The following SLC25A23 variants were observed in gnomAD, a reference collection of about 807,000 sequenced individuals.
SLC25A23 encodes mitochondrial adenyl nucleotide antiporter SLC25A23.
A neutral mutation model predicts 53.9 loss-of-function variants in SLC25A23; 32 were observed. That is an observed-to-expected ratio of 0.59 (90% CI 0.45 to 0.80). The LOEUF (loss-of-function observed/expected upper bound fraction) is 0.80. SLC25A23 is among the 30% of genes least tolerant of loss of function. The probability of loss-of-function intolerance (pLI) is 0.00; values close to 1 mark genes in which losing one functional copy is unlikely to be tolerated. For missense variants in SLC25A23, 575 were observed against 651.4 expected (o/e 0.88, Z 1.28); for synonymous variants, 275 against 264.5 (o/e 1.04, Z -0.38).
chr19:6,456,519 G>T lies in SLC25A23; in HGVS notation c.384C>A (p.Asp128Glu). 6.2e-7 allele frequency: 1 copy of T among 1,613,404 alleles called. No homozygotes were observed. Among genetic ancestry groups the T allele is most frequent in the Non-Finnish European group, 8.5e-7 (1 of 1,179,884 alleles). Residue 128 changes from aspartate (D) to glutamate (E), a missense_variant, in exon 4 of 10, where the codon GAC becomes GAA. By Grantham distance (45) the Asp-to-Glu change is conservative (BLOSUM62 2). Coordinates refer to ENST00000301454, the MANE Select transcript of SLC25A23 (RefSeq NM_024103.3). ...CTTGCCAGTCAATGGTCATTGTGCC[G>T]TCTCGGTCCATGCTGGGGGGAAGAA... ...AEKILHSMDRDGTMTIDWQEW... is the reference protein window; with the variant it reads ...AEKILHSMDREGTMTIDWQEW...
At position 6,441,825 on chromosome 19, in the gene SLC25A23, G is replaced by A. The variant is rs2092424894; in HGVS notation, c.*150C>T. Reference sequence around the variant, plus strand: ...CAGGATCTGGATGCTGGGATCCCATGACCCAATGGTTGGGGCATAGGAGTC... The same window carrying A: ...CAGGATCTGGATGCTGGGATCCCATAACCCAATGGTTGGGGCATAGGAGTC... On this transcript the variant is annotated 3_prime_UTR_variant, in exon 10 of 10. Transcript: ENST00000301454. 1.5e-6 allele frequency: 1 copy of A among 659,514 alleles called. No individual in the cohort carries two copies. The highest frequency in any genetic ancestry group is 2.7e-5 in the Admixed American group (1 of 37,558). 40.9% of individuals were successfully genotyped at this position (659,514 alleles called of 1,614,324 possible).
chr19:6,450,153 C>A, intron 8 of SLC25A23, among the ~76,000 whole-genome samples: 1 of 152,010 alleles, frequency 6.6e-6, no homozygotes, highest in East Asian at 1.9e-4. Context: ...CCACCGTGAC[C>A]GGCCTCTACT....
chr19:6,450,005 C>T (rs1156509297), intron 8 of SLC25A23, among the ~76,000 whole-genome samples: 1 of 151,662 alleles, frequency 6.6e-6, no homozygotes, highest in East Asian at 1.9e-4. Context: ...TTATAGGTGC[C>T]CACCACCACG....
intron 1 of SLC25A23, 58 bp from the exon 2 acceptor site, chr19:6,458,382 G>T: frequency 2.5e-6 from 4 of 1,577,498 alleles, no homozygotes; most frequent in South Asian, 1.1e-5. Context: ...ATCTGGAGGG[G>T]ACGCATGTCA....
At chr19:6,450,213 C>T (rs994491704) in intron 8 of SLC25A23, among the ~76,000 whole-genome samples, 1 of 151,914 alleles carries the variant, frequency 6.6e-6, no homozygotes, top group Non-Finnish European at 1.5e-5. Context: ...TGTACCCTGC[C>T]CTGATCAGTC....
Position 6,443,535 on chromosome 19 carries a change from C to T in SLC25A23, c.1222+616G>A, listed in dbSNP as rs1411212120. 2.6e-5 allele frequency: 18 copies of T among 698,542 alleles called. No homozygotes were observed. In the Admixed American group the frequency reaches 3.0e-4, roughly 12 times the overall value. The allele number at this position is 698,542 out of a possible 1,614,324, so 43.3% of individuals were successfully genotyped here. A position where few individuals can be genotyped will look rare whatever the true frequency, so the allele number is the denominator to read the frequency against. On this transcript the variant is annotated intron_variant, in intron 9 of 9. Coordinates refer to ENST00000301454, the MANE Select transcript of SLC25A23 (RefSeq NM_024103.3). ...GAGCCACTGTGCCCGGCCTCCTTCT[C>T]CCCTTTATACAACCCTAAATCAATA...
chr19:6,452,870 C>T (rs559590716), intron 7 of SLC25A23, among the ~76,000 whole-genome samples: 67 of 152,262 alleles, frequency 4.4e-4, no homozygotes, highest in African/African-American at 1.5e-3. Context: ...TATCTTGTTC[C>T]CTTCTGCTTT....
Position 6,459,665 on chromosome 19 carries a change from G to T in SLC25A23, c.-37C>A. On this transcript the variant is annotated 5_prime_UTR_variant, in exon 1 of 10. Coordinates refer to ENST00000301454, the MANE Select transcript of SLC25A23 (RefSeq NM_024103.3). This position sits in a 1 kb window ranked among gnomAD's most constrained non-coding sequence, Gnocchi z 4.6. ...GGGGGGGAGGGGAGGCCCGGCAGCGGCGGCCTCAGTGGGGGCTTCGCGGCT... is the reference window on the plus strand; with the variant it reads ...GGGGGGGAGGGGAGGCCCGGCAGCGTCGGCCTCAGTGGGGGCTTCGCGGCT... The T allele has an allele frequency of 7.6e-7, 1 of 1,318,544 alleles. No homozygotes were observed. The highest frequency in any genetic ancestry group is 1.5e-5 in the African/African-American group (1 of 64,868). 81.7% of individuals were successfully genotyped at this position (1,318,544 alleles called of 1,614,324 possible).
chr19:6,438,815 C>A (rs746215931), downstream of SLC25A23: 1 of 265,550 alleles, frequency 3.8e-6, no homozygotes, highest in South Asian at 3.1e-5. Context: ...AGCCACTGTA[C>A]TCCAGCCTGG....
Position 6,459,252 on chromosome 19 carries a change from G to C in SLC25A23, c.156+221C>G, listed in dbSNP as rs935484455. 6.6e-6 allele frequency among the ~76,000 whole-genome samples: 1 copy of C among 152,178 alleles called. No individual in the cohort carries two copies. The highest frequency in any genetic ancestry group is 1.5e-5 in the Non-Finnish European group (1 of 68,020). ...CCCCCTGCCCCGCAGCAGGGGGATCGGGTGTTGGCCGCGGAACTGCAGGCT... is the reference window on the plus strand; with the variant it reads ...CCCCCTGCCCCGCAGCAGGGGGATCCGGTGTTGGCCGCGGAACTGCAGGCT... On this transcript the variant is annotated intron_variant, in intron 1 of 9. Coordinates refer to ENST00000301454, the MANE Select transcript of SLC25A23 (RefSeq NM_024103.3). The surrounding 1 kb of genome is among the most constrained non-coding windows in gnomAD (Gnocchi z 4.6).
intron 7 of SLC25A23, 163 bp from the exon 8 acceptor site, chr19:6,452,642 T>A: frequency 1.3e-6 from 1 of 753,206 alleles, no homozygotes; most frequent in Non-Finnish European, 2.0e-6. Flanking sequence ...CAAATCCCTA[T>A]ACCTAGAAAT....
In SLC25A23 at chr19:6,442,113, A is replaced by G; in HGVS notation, c.1269T>C (p.Arg423=). The change falls in exon 10 of 10, where the codon CGT becomes CGC. Residue 423 remains arginine (R), a synonymous_variant. Coordinates refer to ENST00000301454, the MANE Select transcript of SLC25A23 (RefSeq NM_024103.3). ...GCATGCCCTCCTGGGACAGGATGTG[A>G]CGTAGCAGACCCAGCATGGACAGCT... The part of the protein sequence containing the change: ...GPQLSMLGLL[R]HILSQEGMRG... 6.3e-7 allele frequency: 1 copy of G among 1,588,748 alleles called. No individual in the cohort carries two copies. The highest frequency in any genetic ancestry group is 8.6e-7 in the Non-Finnish European group (1 of 1,167,330).
chr19:6,458,648 C>G (rs2092716401), intron 1 of SLC25A23, among the ~76,000 whole-genome samples: 1 of 152,194 alleles, frequency 6.6e-6, no homozygotes, highest in Non-Finnish European at 1.5e-5. Flanking sequence ...TTCCAGCTGT[C>G]TCTTGTTTTT....
chr19:6,444,184 G>A lies in SLC25A23; in HGVS notation c.1189C>T (p.Leu397=), dbSNP rs747988100. The A allele has an allele frequency of 5.9e-5, 94 of 1,597,598 alleles. No individual in the cohort carries two copies. Among genetic ancestry groups the A allele is most frequent in the Non-Finnish European group, 7.4e-5 (87 of 1,172,374 alleles). Reference sequence around the variant, plus strand: ...TGCATGCGGGTCCGGACCAGGGCCAGCGGGTAACTGGCTATCTGGCCGCAG... The same window carrying A: ...TGCATGCGGGTCCGGACCAGGGCCAACGGGTAACTGGCTATCTGGCCGCAG... ...STCGQIASYP[L]ALVRTRMQAQ... Residue 397 remains leucine, a synonymous_variant, in exon 9 of 10, where the codon CTG becomes TTG. Transcript: ENST00000301454.
intron 8 of SLC25A23, among the ~76,000 whole-genome samples, chr19:6,446,896 G>A (rs1016044999): frequency 3.9e-5 from 6 of 152,076 alleles, no homozygotes; most frequent in African/African-American, 9.7e-5. Flanking sequence ...ACTGGTGTCC[G>A]TAGAGGAGAA....
intron 9 of SLC25A23, among the ~76,000 whole-genome samples, chr19:6,442,635 G>A (rs879890360): frequency 1.3e-5 from 2 of 152,072 alleles, no homozygotes; most frequent in African/African-American, 2.4e-5. Flanking sequence ...TGCAACCTCC[G>A]CCTCCCGGGT....
chr19:6,442,060 T>G lies in SLC25A23; in HGVS notation c.1322A>C (p.Asn441Thr). ...CACAGCTGGAATAACCTTCATGAAG[T>G]TGGGGGCGATCCCCCGGTAGAGGCC... ...MRGLYRGIAP[N>T]FMKVIPAVSI... Residue 441 changes from asparagine (N) to threonine (T), a missense_variant, in exon 10 of 10, where the codon AAC becomes ACC. By Grantham distance (65) the Asn-to-Thr change is moderately conservative (BLOSUM62 0). Coordinates refer to ENST00000301454, the MANE Select transcript of SLC25A23 (RefSeq NM_024103.3). 6.2e-7 allele frequency: 1 copy of G among 1,612,832 alleles called. No individual in the cohort carries two copies. The highest frequency in any genetic ancestry group is 1.1e-5 in the South Asian group (1 of 91,010).
chr19:6,449,754 G>C (rs1201790260), intron 8 of SLC25A23, among the ~76,000 whole-genome samples: 1 of 149,662 alleles, frequency 6.7e-6, no homozygotes, highest in Non-Finnish European at 1.5e-5. Context: ...GACTGGTCTC[G>C]AACTCCTGGG....
At position 6,459,469 on chromosome 19, in the gene SLC25A23, G is replaced by T. The variant is rs764848127; in HGVS notation, c.156+4C>A. On this transcript the variant is annotated splice_donor_region_variant and intron_variant, in intron 1 of 9. Transcript: ENST00000301454. This position sits in a 1 kb window ranked among gnomAD's most constrained non-coding sequence, Gnocchi z 4.6. Reference sequence around the variant, plus strand: ...GGGGAGGAGGTCCCTGGGGGTGGGGGTACCTGTTGGGCGCCGGGGTCTGGG... The same window carrying T: ...GGGGAGGAGGTCCCTGGGGGTGGGGTTACCTGTTGGGCGCCGGGGTCTGGG... 1.9e-6 allele frequency: 3 copies of T among 1,584,924 alleles called. No individual in the cohort carries two copies. Among genetic ancestry groups the T allele is most frequent in the Admixed American group, 1.7e-5 (1 of 58,282 alleles).
Sources: allele counts gnomAD v4.1 joint callset (sites outside exome capture counted in the v4.1 genomes callset), GRCh38; gene constraint gnomAD v4.1.1; non-coding constraint Gnocchi (gnomAD v3.1); transcripts MANE v1.5; gene names NCBI Gene and HGNC (gene_info 2026-07-23, HGNC 2026-07-21).